Variants in PIWIL1 observed in about 807,000 individuals in gnomAD.
PIWIL1 encodes the protein piwi-like protein 1.
In PIWIL1, 73 loss-of-function variants were observed where a neutral mutation model predicts 114.4. The ratio of observed to expected loss-of-function variants is 0.64; its 90% CI spans 0.53 to 0.78. The LOEUF is 0.78. PIWIL1 is among the 30% of genes least tolerant of loss of function. PIWIL1 has a pLI of 0.00. For synonymous variants in PIWIL1, 375 were observed against 369.0 expected, an observed-to-expected ratio of 1.02 and a Z score of -0.19; for missense variants, 723 against 1,063.1, an observed-to-expected ratio of 0.68 and a Z score of 4.45.
At chr12:130,412,875 GA>G in the PIWIL1 span, 2 of 1,208,102 alleles carry the variant, frequency 1.7e-6, no homozygotes, top group Admixed American at 5.4e-5. Flanking sequence ...GAGTGTAGTC[GA>G]AAATATATTT....
intron 9 of PIWIL1, among the ~76,000 whole-genome samples, chr12:130,353,996 T>A (rs986544480): frequency 2.6e-5 from 4 of 152,222 alleles, no homozygotes; most frequent in Non-Finnish European, 5.9e-5. Flanking sequence ...GGGCAGTGAT[T>A]GCATCTGGGG....
chr12:130,399,032 A>T, the PIWIL1 span: 20 of 633,424 alleles, frequency 3.2e-5, no homozygotes, highest in Non-Finnish European at 5.0e-5. Flanking sequence ...TAACCCCACA[A>T]TGAAGCCTTA....
chr12:130,354,445 T>C, intron 9 of PIWIL1, 92 bp from the exon 10 acceptor site: 1 of 1,534,162 alleles, frequency 6.5e-7, no homozygotes, highest in South Asian at 1.2e-5. Flanking sequence ...GCATCAGCTC[T>C]TTATTTTTTT....
chr12:130,413,714 G>A, the PIWIL1 span, among the ~76,000 whole-genome samples: 3 of 150,890 alleles, frequency 2.0e-5, no homozygotes, highest in Non-Finnish European at 4.4e-5. Flanking sequence ...AAAGAACTAA[G>A]GCATGGAACT....
At chr12:130,342,954 A>G (rs772906527) in intron 2 of PIWIL1, 36 bp from the exon 3 acceptor site, 1 of 1,516,462 alleles carries the variant, frequency 6.6e-7, no homozygotes, top group South Asian at 1.1e-5. Context: ...TGACCGCTTG[A>G]CGAAAAGAAT....
chr12:130,375,947 G>C (rs978067575), downstream of PIWIL1, among the ~76,000 whole-genome samples: 1 of 152,120 alleles, frequency 6.6e-6, no homozygotes, highest in Non-Finnish European at 1.5e-5. Flanking sequence ...CCCCACACCT[G>C]ACTGTTCCTT....
intron 9 of PIWIL1, among the ~76,000 whole-genome samples, chr12:130,354,158 C>G (rs576914733): frequency 6.6e-6 from 1 of 152,138 alleles, no homozygotes; most frequent in Non-Finnish European, 1.5e-5. Context: ...AGTAAGTTCT[C>G]TCAGTAACAG....
Position 130,362,852 on chromosome 12 carries a change from G to T in PIWIL1, c.2041+16G>T. On this transcript the variant is annotated intron_variant, in intron 17 of 20. Coordinates refer to ENST00000245255, the MANE Select transcript of PIWIL1 (RefSeq NM_004764.5). ...TGCCTGCAAGGTTAGTCACCTGTGGGGTTGCCATTCTACTCTCTAAACTGG... is the reference window on the plus strand; with the variant it reads ...TGCCTGCAAGGTTAGTCACCTGTGGTGTTGCCATTCTACTCTCTAAACTGG... 2.5e-6 allele frequency: 4 copies of T among 1,613,262 alleles called. No homozygotes were observed. Among genetic ancestry groups the T allele is most frequent in the Non-Finnish European group, 2.5e-6 (3 of 1,179,338 alleles).
chr12:130,362,451 G>A (rs979076961), intron 16 of PIWIL1, among the ~76,000 whole-genome samples: 2 of 152,180 alleles, frequency 1.3e-5, no homozygotes, highest in Admixed American at 1.3e-4. Context: ...GTGCTTCTGT[G>A]CGTATTTAGG....
chr12:130,391,962 C>A, the PIWIL1 span, among the ~76,000 whole-genome samples: 1 of 151,872 alleles, frequency 6.6e-6, no homozygotes, highest in East Asian at 1.9e-4. Context: ...CACGTGTGTC[C>A]ATCAGTTACC....
chr12:130,348,201 C>T lies in PIWIL1; in HGVS notation c.734+18C>T, dbSNP rs200038052. 84 of 1,418,552 alleles carry T rather than the reference C, an allele frequency of 5.9e-5. No homozygotes were observed. Among genetic ancestry groups the T allele is most frequent in the African/African-American group, 5.6e-4 (40 of 70,944 alleles). The allele number at this position is 1,418,552 out of a possible 1,614,324, so 87.9% of individuals were successfully genotyped here. A position where few individuals can be genotyped will look rare whatever the true frequency, so the allele number is the denominator to read the frequency against. On this transcript the variant is annotated intron_variant, in intron 7 of 20. Transcript: ENST00000245255. ...AGTCACAGGTTTGTATGAAGTAGAA[C>T]GTTTAATATTCCTTAGGCTTAATGA...
In PIWIL1 at chr12:130,345,890, A is replaced by T; in HGVS notation, c.316+12A>T. 6.2e-7 allele frequency: 1 copy of T among 1,612,676 alleles called. No individual in the cohort carries two copies. Among genetic ancestry groups the T allele is most frequent in the Non-Finnish European group, 8.5e-7 (1 of 1,179,346 alleles). The stretch of plus-strand genomic sequence containing the variant: ...AGAATCAAAAACAGGTAGGTTAATT[A>T]AGAATAAGTTTTGTGAGATTACATC... On this transcript the variant is annotated intron_variant, in intron 4 of 20. Transcript: ENST00000245255.
At chr12:130,405,148 C>A in the PIWIL1 span, among the ~76,000 whole-genome samples, 12 of 152,128 alleles carry the variant, frequency 7.9e-5, no homozygotes, top group African/African-American at 2.7e-4. Context: ...AAACATTTGA[C>A]CGCATGCAAA....
At chr12:130,393,334 A>G in the PIWIL1 span, among the ~76,000 whole-genome samples, 94,302 of 110,244 alleles carry the variant, frequency 0.86, 39,948 homozygotes, top group Non-Finnish European at 0.89. Flanking sequence ...CCCGGTCACC[A>G]TCATCACGTG....
At chr12:130,345,978 T>C in intron 4 of PIWIL1, 100 bp downstream of exon 4, 1 of 1,275,664 alleles carries the variant, frequency 7.8e-7, no homozygotes, top group Non-Finnish European at 1.1e-6. Context: ...CCAAGGATCC[T>C]GCATGGCTTT....
intron 9 of PIWIL1, chr12:130,351,615 A>G (rs1351961139): frequency 6.6e-6 from 1 of 152,192 alleles, no homozygotes; most frequent in Non-Finnish European, 1.5e-5. Flanking sequence ...TATGGTTTAT[A>G]TACCCCATGC....
the PIWIL1 span, among the ~76,000 whole-genome samples, chr12:130,415,016 A>C: frequency 6.6e-6 from 1 of 152,170 alleles, no homozygotes. Flanking sequence ...CTATTCCAAA[A>C]AATTGAGGAG....
intron 3 of PIWIL1, among the ~76,000 whole-genome samples, chr12:130,343,643 T>C (rs1232406601): frequency 8.6e-5 from 8 of 92,562 alleles, no homozygotes; most frequent in African/African-American, 3.7e-4. Context: ...TTTTTTTTTT[T>C]GAGACGGAGT....
the PIWIL1 span, among the ~76,000 whole-genome samples, chr12:130,390,897 C>T: frequency 6.6e-6 from 1 of 152,292 alleles, no homozygotes; most frequent in African/African-American, 2.4e-5. Flanking sequence ...GCTTCTTCTC[C>T]AGGACCGGTG....
Sources: gnomAD v4.1 joint callset for allele counts (sites outside exome capture counted in the v4.1 genomes callset) on GRCh38, gnomAD v4.1.1 for gene constraint, MANE v1.5 for transcripts, NCBI Gene and HGNC (gene_info 2026-07-23, HGNC 2026-07-21) for gene names.